KCNIP4: variants seen among roughly 807,000 people sequenced by gnomAD.
KCNIP4 encodes Kv channel-interacting protein 4.
KCNIP4 carries 12 observed loss-of-function variants against 34.0 expected under a neutral mutation model. That is an observed-to-expected ratio of 0.35 (90% CI 0.23 to 0.57). The LOEUF (loss-of-function observed/expected upper bound fraction) is 0.57. KCNIP4 is among the 20% of genes least tolerant of loss of function. The pLI is 0.83. For synonymous variants in KCNIP4, 124 were observed against 102.2 expected (o/e 1.21, Z -1.29); for missense variants, 238 against 311.7 (o/e 0.76, Z 1.78).
intron 1 of KCNIP4, among the ~76,000 whole-genome samples, chr4:21,757,101 A>C (rs1286876536): frequency 2.9e-3 from 5 of 1,698 alleles, no homozygotes; most frequent in Middle Eastern, 0.062. Context: ...GTCTCAAAAA[A>C]AGAAAGAAAG....
At chr4:20,897,535 G>A (rs1197871221) in intron 1 of KCNIP4, among the ~76,000 whole-genome samples, 1 of 150,436 alleles carries the variant, frequency 6.6e-6, no homozygotes, top group Non-Finnish European at 1.5e-5. Flanking sequence ...CACATTCATA[G>A]TGAAGTTCCA....
intron 1 of KCNIP4, among the ~76,000 whole-genome samples, chr4:21,688,492 T>C (rs183853547): frequency 1.8e-4 from 27 of 152,308 alleles, no homozygotes; most frequent in African/African-American, 6.3e-4. Context: ...CTGTTCAATA[T>C]ACAGGGTTGA....
intron 1 of KCNIP4, among the ~76,000 whole-genome samples, chr4:21,532,358 T>G (rs1736758140): frequency 6.6e-6 from 1 of 152,160 alleles, no homozygotes; most frequent in African/African-American, 2.4e-5. Context: ...CTTGCAATCA[T>G]CTTATTTTGT....
Position 21,639,166 on chromosome 4 carries a change from T to C in KCNIP4, c.61+309405A>G, listed in dbSNP as rs182311146. The stretch of plus-strand genomic sequence containing the variant: ...TTTTTTTCAGGACATGAAATGATTG[T>C]TTGAATTCTTTCATCAACTGTATTT... On this transcript the variant is annotated intron_variant, in intron 1 of 8. Coordinates refer to ENST00000382152, the MANE Select transcript of KCNIP4 (RefSeq NM_025221.6). Among the ~76,000 whole-genome samples the C allele has an allele frequency of 4.0e-3, 604 of 152,324 alleles. 3 individuals are homozygous for C. Among genetic ancestry groups the C allele is most frequent in the Middle Eastern group, 0.024 (7 of 294 alleles).
intron 1 of KCNIP4, among the ~76,000 whole-genome samples, chr4:21,548,694 C>T (rs1414386127): frequency 6.6e-6 from 1 of 151,666 alleles, no homozygotes; most frequent in Non-Finnish European, 1.5e-5. Context: ...TTGCTTAGAT[C>T]ACAAGAGCCA....
At chr4:20,848,624 G>A (rs916802748) in intron 3 of KCNIP4, among the ~76,000 whole-genome samples, 2 of 152,132 alleles carry the variant, frequency 1.3e-5, no homozygotes, top group Non-Finnish European at 2.9e-5. Flanking sequence ...CAGTAATCAT[G>A]ATTCCAATTT....
intron 5 of KCNIP4, 107 bp from the exon 6 acceptor site, chr4:20,734,842 T>C (rs1390241755): frequency 5.3e-6 from 3 of 566,684 alleles, no homozygotes; most frequent in Non-Finnish European, 9.0e-6. Flanking sequence ...CTTGAACATT[T>C]AGCAAAATGA....
intron 1 of KCNIP4, among the ~76,000 whole-genome samples, chr4:21,532,437 A>T (rs1736766831): frequency 6.6e-6 from 1 of 152,176 alleles, no homozygotes; most frequent in Non-Finnish European, 1.5e-5. Context: ...CTTTAATAAA[A>T]ACACCAAGTT....
intron 1 of KCNIP4, among the ~76,000 whole-genome samples, chr4:21,200,125 G>A (rs943535911): frequency 1.3e-5 from 2 of 151,700 alleles, no homozygotes; most frequent in Non-Finnish European, 2.9e-5. Flanking sequence ...CACCAACACG[G>A]CACATGTATA....
At chr4:21,058,010 A>G (rs1461843771) in intron 1 of KCNIP4, among the ~76,000 whole-genome samples, 2 of 152,210 alleles carry the variant, frequency 1.3e-5, no homozygotes, top group Non-Finnish European at 2.9e-5. Context: ...CATTGAAAAT[A>G]TTGGACAAAG....
intron 1 of KCNIP4, among the ~76,000 whole-genome samples, chr4:21,308,888 A>G (rs1216495166): frequency 1.3e-5 from 2 of 152,128 alleles, no homozygotes; most frequent in African/African-American, 4.8e-5. Context: ...GTTTCTTCAA[A>G]GCAATTTTGG....
At chr4:20,983,193 AG>A (rs1163853247) in intron 1 of KCNIP4, among the ~76,000 whole-genome samples, 1 of 152,234 alleles carries the variant, frequency 6.6e-6, no homozygotes, top group Non-Finnish European at 1.5e-5. Context: ...TTTTATTGAT[AG>A]CAACAGTCCT....
chr4:21,465,024 C>T (rs906706850), intron 1 of KCNIP4, among the ~76,000 whole-genome samples: 4 of 151,988 alleles, frequency 2.6e-5, no homozygotes, highest in Admixed American at 6.6e-5. Flanking sequence ...TTAATCTTGA[C>T]AGGATTGTTG....
intron 1 of KCNIP4, among the ~76,000 whole-genome samples, chr4:21,358,488 T>C (rs756256377): frequency 6.6e-6 from 1 of 152,106 alleles, no homozygotes; most frequent in Non-Finnish European, 1.5e-5. Flanking sequence ...AGTTATTACA[T>C]AGCTCAAACA....
At chr4:21,408,553 T>A (rs1021344638) in intron 1 of KCNIP4, among the ~76,000 whole-genome samples, 2 of 152,202 alleles carry the variant, frequency 1.3e-5, no homozygotes, top group African/African-American at 4.8e-5. Flanking sequence ...CAGGATGTTT[T>A]GCTGTGTTTC....
intron 3 of KCNIP4, among the ~76,000 whole-genome samples, chr4:20,762,081 A>G (rs1351140942): frequency 1.3e-5 from 2 of 152,194 alleles, no homozygotes; most frequent in Non-Finnish European, 2.9e-5. Context: ...CTTATAAACA[A>G]TAGAAATTTA....
chr4:20,850,751 C>T (rs1034386380), intron 2 of KCNIP4, 84 bp from the exon 3 acceptor site: 4 of 1,489,092 alleles, frequency 2.7e-6, no homozygotes, highest in Middle Eastern at 2.4e-4. Flanking sequence ...AACGGAAGAA[C>T]ATGTCTGCTA....
At chr4:21,234,276 T>TAACA (rs1759126145) in intron 1 of KCNIP4, among the ~76,000 whole-genome samples, 1 of 83,778 alleles carries the variant, frequency 1.2e-5, no homozygotes, top group African/African-American at 8.3e-5. Context: ...ATAACATATA[T>TAACA]TATATATAAC....
chr4:21,206,811 C>A (rs977259453), intron 1 of KCNIP4, among the ~76,000 whole-genome samples: 1 of 152,080 alleles, frequency 6.6e-6, no homozygotes, highest in African/African-American at 2.4e-5. Context: ...AGCAATATTC[C>A]CAAGGTCATA....
Sources: allele counts gnomAD v4.1 joint callset (sites outside exome capture counted in the v4.1 genomes callset), GRCh38; gene constraint gnomAD v4.1.1; transcripts MANE v1.5; gene names NCBI Gene and HGNC (gene_info 2026-07-23, HGNC 2026-07-21).